FOXP2: variants seen among roughly 807,000 people sequenced by gnomAD.
FOXP2 encodes forkhead box protein P2.
In FOXP2, 12 loss-of-function variants were observed where a neutral mutation model predicts 115.8. The ratio of observed to expected loss-of-function variants is 0.10; its 90% confidence interval spans 0.07 to 0.17. The LOEUF is 0.17. FOXP2 is among the 10% of genes least tolerant of loss of function. The pLI is 1.00. For missense variants in FOXP2, 629 were observed against 843.5 expected (o/e 0.75, Z 3.15); for synonymous variants, 328 against 297.7 (o/e 1.10, Z -1.05).
intron 2 of FOXP2, among the ~76,000 whole-genome samples, chr7:114,442,528 G>A (rs908913599): frequency 2.0e-5 from 3 of 152,130 alleles, no homozygotes; most frequent in African/African-American, 2.4e-5. Context: ...TGCAATCATA[G>A]CTCACTGCAG....
chr7:114,578,224 T>C (rs1801670869), intron 3 of FOXP2, among the ~76,000 whole-genome samples: 1 of 152,012 alleles, frequency 6.6e-6, no homozygotes, highest in Non-Finnish European at 1.5e-5. Context: ...CTGGAAAACA[T>C]ACTTTTTGCG....
At chr7:114,647,823 C>T (rs1374659858) in intron 8 of FOXP2, among the ~76,000 whole-genome samples, 1 of 151,900 alleles carries the variant, frequency 6.6e-6, no homozygotes, top group Non-Finnish European at 1.5e-5. Context: ...GAGCTTAAGC[C>T]AAAAGGTTTA....
At chr7:114,504,803 T>G (rs936607798) in intron 2 of FOXP2, among the ~76,000 whole-genome samples, 1 of 151,654 alleles carries the variant, frequency 6.6e-6, no homozygotes, top group African/African-American at 2.4e-5. Context: ...AATCATGACC[T>G]CTTTGTGACC....
At position 114,102,692 on chromosome 7, in the gene FOXP2, C is replaced by G. The variant is rs1046977759; in HGVS notation, c.-247+14854C>G. On this transcript the variant is annotated intron_variant, in intron 1 of 19. Transcript: ENST00000635638. ...TTTTGCTACACACATACAAACACCA[C>G]ACACCACACACACACACACACACAC... Among the ~76,000 whole-genome samples, 6 of 85,722 alleles carry G rather than the reference C, an allele frequency of 7.0e-5. No homozygotes were observed. In the South Asian group the frequency reaches 3.1e-3, roughly 45 times the overall value. The allele number at this position is 85,722 out of a possible 152,430, so 56.2% of individuals were successfully genotyped here. A position where few individuals can be genotyped will look rare whatever the true frequency, so the allele number is the denominator to read the frequency against.
chr7:114,221,812 G>T (rs999701277), intron 1 of FOXP2, among the ~76,000 whole-genome samples: 8 of 152,106 alleles, frequency 5.3e-5, no homozygotes, highest in African/African-American at 1.7e-4. Flanking sequence ...AAGACTTCTA[G>T]CCTTAAGCTC....
chr7:114,582,770 T>A (rs897500550), intron 3 of FOXP2, among the ~76,000 whole-genome samples: 2 of 152,174 alleles, frequency 1.3e-5, no homozygotes, highest in African/African-American at 2.4e-5. Flanking sequence ...AAACAGATCA[T>A]GTAACAGGAG....
At chr7:114,407,764 T>C (rs1411040882) in intron 2 of FOXP2, among the ~76,000 whole-genome samples, 1 of 152,128 alleles carries the variant, frequency 6.6e-6, no homozygotes, top group African/African-American at 2.4e-5. Flanking sequence ...TTATAGCGTT[T>C]TGCAAAAAGT....
intron 1 of FOXP2, among the ~76,000 whole-genome samples, chr7:114,213,501 G>C (rs1027857716): frequency 8.6e-5 from 13 of 152,044 alleles, no homozygotes; most frequent in African/African-American, 2.9e-4. Flanking sequence ...ATTCTTATTT[G>C]ACCTACATAA....
chr7:114,134,502 A>G (rs1237539598), intron 1 of FOXP2, among the ~76,000 whole-genome samples: 1 of 151,926 alleles, frequency 6.6e-6, no homozygotes, highest in Non-Finnish European at 1.5e-5. Context: ...TCACGAGGTC[A>G]GGAGATCAAG....
At chr7:114,498,781 T>C (rs1797435654) in intron 2 of FOXP2, 1 of 706,032 alleles carries the variant, frequency 1.4e-6, no homozygotes, top group African/African-American at 1.8e-5. Flanking sequence ...AGGCATACTT[T>C]GCAAATAATT....
chr7:114,497,666 TAAA>T, intron 2 of FOXP2, among the ~76,000 whole-genome samples: 1 of 18,696 alleles, frequency 5.3e-5, no homozygotes, highest in Non-Finnish European at 1.2e-4. Flanking sequence ...AATAAATAAG[TAAA>T]TAAATAAATA....
At chr7:114,365,633 A>C (rs368166060) in intron 2 of FOXP2, among the ~76,000 whole-genome samples, 4 of 152,132 alleles carry the variant, frequency 2.6e-5, no homozygotes, top group East Asian at 3.9e-4. Flanking sequence ...AGACCATTTC[A>C]AACCACTAGA....
At position 114,324,757 on chromosome 7, in the gene FOXP2, G is replaced by A. The variant is rs574015085; in HGVS notation, c.-11+36648G>A. 2.4e-3 allele frequency among the ~76,000 whole-genome samples: 365 copies of A among 151,640 alleles called. 2 individuals carry two copies. The highest frequency in any genetic ancestry group is 0.017 in the South Asian group (84 of 4,810). On this transcript the variant is annotated intron_variant, in intron 2 of 17. Coordinates refer to the FOXP2 transcript ENST00000634411. ...TATTTGCTTAGGAACCTTTTAATAC[G>A]TATTACATTTTTAAAAATTGCCCCT...
At chr7:114,592,957 T>C (rs1230780063) in intron 3 of FOXP2, among the ~76,000 whole-genome samples, 1 of 152,014 alleles carries the variant, frequency 6.6e-6, no homozygotes, top group African/African-American at 2.4e-5. Context: ...TTTGTTTATA[T>C]TGTCTTTAGT....
intron 1 of FOXP2, among the ~76,000 whole-genome samples, chr7:114,150,154 T>C (rs181319488): frequency 1.7e-3 from 253 of 152,188 alleles, no homozygotes; most frequent in Non-Finnish European, 3.0e-3. Flanking sequence ...AGGTAGATAA[T>C]ACATAGTATC....
intron 2 of FOXP2, among the ~76,000 whole-genome samples, chr7:114,517,356 G>T (rs1048194625): frequency 6.6e-6 from 1 of 151,976 alleles, no homozygotes; most frequent in South Asian, 2.1e-4. Context: ...ATGCAATCCC[G>T]TCGGTCTATT....
chr7:114,390,957 G>C (rs1432303251), intron 2 of FOXP2, among the ~76,000 whole-genome samples: 2 of 152,124 alleles, frequency 1.3e-5, no homozygotes, highest in African/African-American at 4.8e-5. Context: ...GGGAGGCTGA[G>C]GTGGGCAGAT....
intron 1 of FOXP2, among the ~76,000 whole-genome samples, chr7:114,156,800 A>G (rs1248025858): frequency 6.6e-6 from 1 of 152,176 alleles, no homozygotes; most frequent in Non-Finnish European, 1.5e-5. Context: ...GGGCCTTAGG[A>G]AAGACATTTA....
intron 3 of FOXP2, among the ~76,000 whole-genome samples, chr7:114,615,824 G>C (rs1297935381): frequency 6.6e-6 from 1 of 152,164 alleles, no homozygotes; most frequent in Non-Finnish European, 1.5e-5. Context: ...AACTTTGTGT[G>C]AGCTTGTTCT....
Sources: gnomAD v4.1 joint callset for allele counts (sites outside exome capture counted in the v4.1 genomes callset) on GRCh38, gnomAD v4.1.1 for gene constraint, MANE v1.5 for transcripts, NCBI Gene and HGNC (gene_info 2026-07-23, HGNC 2026-07-21) for gene names.